Variants in WDPCP observed in about 807,000 individuals in gnomAD.
WDPCP encodes WD repeat-containing and planar cell polarity effector protein fritz homolog.
WDPCP carries 71 observed loss-of-function variants against 93.1 expected under a neutral mutation model. The observed-to-expected ratio is 0.76, with a 90% CI of 0.63 to 0.93. The LOEUF (loss-of-function observed/expected upper bound fraction) is 0.93, where lower values mean the gene tolerates loss of function less well. Among genes scored for constraint, WDPCP ranks in the 40% least tolerant of loss-of-function variants. WDPCP has a pLI of 0.00. For missense variants in WDPCP, 844 were observed against 887.4 expected (o/e 0.95, Z 0.62); for synonymous variants, 315 against 315.0 (o/e 1.00, Z 0.00).
intron 14 of WDPCP, among the ~76,000 whole-genome samples, chr2:63,250,506 G>A (rs1054838380): frequency 2.6e-5 from 4 of 152,108 alleles, no homozygotes; most frequent in African/African-American, 9.7e-5. Context: ...TCAATTGAAT[G>A]ATTATTACTA....
rs1287560167 is a variant in WDPCP at position 63,717,731 on chromosome 2, G to A, written n.309-66893C>T. The stretch of plus-strand genomic sequence containing the variant: ...CCAACGTTGATGCCCACAGTTGGGT[G>A]TTGCTCCAGTACTGCGGTATGATGG... On this transcript the variant is annotated intron_variant and non_coding_transcript_variant, in intron 2 of 4. Coordinates refer to the WDPCP transcript ENST00000467687. 3.2e-5 allele frequency: 14 copies of A among 437,372 alleles called. No individual in the cohort carries two copies. The East Asian group carries it at 8.3e-4, about 26-fold the overall frequency. 27.1% of individuals were successfully genotyped at this position (437,372 alleles called of 1,614,324 possible).
At chr2:63,760,168 A>T (rs936538533) in intron 2 of WDPCP, among the ~76,000 whole-genome samples, 2 of 152,244 alleles carry the variant, frequency 1.3e-5, no homozygotes, top group African/African-American at 4.8e-5. Context: ...AAGATAAAGT[A>T]TTAAGAACTT....
intron 2 of WDPCP, among the ~76,000 whole-genome samples, chr2:63,651,365 G>A (rs939903943): frequency 6.6e-6 from 1 of 152,094 alleles, no homozygotes; most frequent in African/African-American, 2.4e-5. Flanking sequence ...AGAGGAAGGG[G>A]AAGTCACTCT....
chr2:63,249,510 T>C (rs573308987), intron 14 of WDPCP, among the ~76,000 whole-genome samples: 15 of 152,322 alleles, frequency 9.8e-5, no homozygotes, highest in African/African-American at 3.6e-4. Flanking sequence ...ACAGTGATCA[T>C]GGGTTTTGGC....
intron 14 of WDPCP, among the ~76,000 whole-genome samples, chr2:63,238,732 T>G (rs1375637563): frequency 6.6e-6 from 1 of 152,170 alleles, no homozygotes; most frequent in African/African-American, 2.4e-5. Context: ...ATAGTATATG[T>G]GAAAGTAAAA....
At chr2:63,749,922 G>A (rs1669856013) in intron 2 of WDPCP, among the ~76,000 whole-genome samples, 1 of 151,972 alleles carries the variant, frequency 6.6e-6, no homozygotes, top group East Asian at 1.9e-4. Flanking sequence ...TGCTATTATT[G>A]TTTATAAATA....
chr2:63,405,326 C>T (rs1257331682), intron 9 of WDPCP, among the ~76,000 whole-genome samples: 3 of 152,072 alleles, frequency 2.0e-5, no homozygotes, highest in South Asian at 4.1e-4. Context: ...TTAAAATAAA[C>T]ATTAAAAAAT....
intron 9 of WDPCP, among the ~76,000 whole-genome samples, chr2:63,423,742 T>C (rs181675922): frequency 6.6e-6 from 1 of 152,196 alleles, no homozygotes; most frequent in Admixed American, 6.5e-5. Flanking sequence ...TGAAGGTGTT[T>C]GTTGACAAAT....
At chr2:63,225,485 C>T (rs188005087) in intron 14 of WDPCP, among the ~76,000 whole-genome samples, 29 of 151,528 alleles carry the variant, frequency 1.9e-4, no homozygotes, top group East Asian at 1.7e-3. Context: ...CTACTAAAGC[C>T]GAAAAAACAC....
intron 3 of WDPCP, among the ~76,000 whole-genome samples, chr2:63,621,239 A>T (rs1221900480): frequency 6.6e-6 from 1 of 152,100 alleles, no homozygotes; most frequent in Non-Finnish European, 1.5e-5. Context: ...GAGCTAAAGG[A>T]GCACATTCTA....
chr2:63,809,762 A>G (rs1415593904), intron 2 of WDPCP, among the ~76,000 whole-genome samples: 1 of 152,086 alleles, frequency 6.6e-6, no homozygotes. Context: ...GGACCCAGGG[A>G]CACAAACACT....
intron 1 of WDPCP, among the ~76,000 whole-genome samples, chr2:63,514,534 T>C (rs542951611): frequency 2.0e-5 from 3 of 152,278 alleles, no homozygotes; most frequent in African/African-American, 7.2e-5. Context: ...TTTTCCAGGA[T>C]AATTCAGCAC....
intron 2 of WDPCP, among the ~76,000 whole-genome samples, chr2:63,706,763 C>T (rs1669162522): frequency 6.6e-6 from 1 of 150,812 alleles, no homozygotes. Context: ...ACTACAGGCG[C>T]CCGCCACCGC....
At chr2:63,825,726 G>C (rs1671104562) in intron 1 of WDPCP, among the ~76,000 whole-genome samples, 1 of 152,050 alleles carries the variant, frequency 6.6e-6, no homozygotes, top group Non-Finnish European at 1.5e-5. Context: ...AAAGGAAACA[G>C]AGAATTGTGC....
intron 2 of WDPCP, chr2:63,752,122 T>C (rs1024408054): frequency 9.8e-6 from 6 of 610,398 alleles, no homozygotes; most frequent in African/African-American, 1.8e-5. Context: ...GGTGTGGCCA[T>C]TCACACGACG....
intron 12 of WDPCP, among the ~76,000 whole-genome samples, chr2:63,354,371 G>A (rs977814576): frequency 6.6e-6 from 1 of 152,166 alleles, no homozygotes; most frequent in Non-Finnish European, 1.5e-5. Flanking sequence ...CCAAGTTGGG[G>A]AAGGAACATA....
chr2:63,611,101 A>T (rs1409812921), intron 3 of WDPCP, among the ~76,000 whole-genome samples: 1 of 152,226 alleles, frequency 6.6e-6, no homozygotes, highest in Non-Finnish European at 1.5e-5. Context: ...CTGTCTCAAA[A>T]AAAACCATAA....
intron 17 of WDPCP, among the ~76,000 whole-genome samples, chr2:63,129,876 G>C (rs577830070): frequency 4.6e-5 from 7 of 152,130 alleles, no homozygotes; most frequent in Admixed American, 4.6e-4. Flanking sequence ...CTAATACAAT[G>C]TAATTATTAT....
chr2:63,719,498 G>C (rs1247861594), intron 2 of WDPCP, among the ~76,000 whole-genome samples: 1 of 152,128 alleles, frequency 6.6e-6, no homozygotes, highest in Non-Finnish European at 1.5e-5. Flanking sequence ...AGAATAACTG[G>C]CAAAACAATC....
Sources: allele counts gnomAD v4.1 joint callset (sites outside exome capture counted in the v4.1 genomes callset), GRCh38; gene constraint gnomAD v4.1.1; transcripts MANE v1.5; gene names NCBI Gene and HGNC (gene_info 2026-07-23, HGNC 2026-07-21).